STARD9: variants seen among roughly 807,000 people sequenced by gnomAD.
STARD9 encodes StAR related lipid transfer domain containing 9.
In STARD9, 346 loss-of-function variants were observed where a neutral mutation model predicts 399.8. The ratio of observed to expected loss-of-function variants is 0.87; its 90% CI spans 0.79 to 0.95. STARD9 has a LOEUF of 0.95. Among genes scored for constraint, STARD9 ranks in the 40% least tolerant of loss-of-function variants. STARD9 has a pLI of 0.00. For missense variants in STARD9, 5,832 were observed against 5,667.5 expected, an observed-to-expected ratio of 1.03 and a Z score of -0.93; for synonymous variants, 2,203 against 2,143.5, an observed-to-expected ratio of 1.03 and a Z score of -0.77.
At chr15:42,614,726 G>A (rs112165067) in intron 3 of STARD9, among the ~76,000 whole-genome samples, 9,244 of 152,136 alleles carry the variant, frequency 0.061, 685 homozygotes, top group Admixed American at 0.15. Flanking sequence ...CACCACTTTG[G>A]GAGGCCGAGG....
At chr15:42,694,781 G>T in intron 24 of STARD9, 56 bp downstream of exon 24, 1 of 1,456,532 alleles carries the variant, frequency 6.9e-7, no homozygotes, top group South Asian at 1.2e-5. Flanking sequence ...AGGGGAGTAT[G>T]GGGAGCAGGA....
rs1451607104 is a variant in STARD9, at chr15:42,690,974, A to G, written c.9396A>G (p.Pro3132=). 1.3e-6 allele frequency: 2 copies of G among 1,537,138 alleles called. No homozygotes were observed. Among genetic ancestry groups the G allele is most frequent in the Non-Finnish European group, 1.7e-6 (2 of 1,146,916 alleles). ...ATGCACAGGTGTGTCAAACCAATCC[A>G]GAACCACCTGCAACAACTCAGGGAC... ...DQNAQVCQTN[P]EPPATTQGPH... The change falls in exon 23 of 33, where the codon CCA becomes CCG. Residue 3132 remains proline (P), a synonymous_variant. Transcript: ENST00000290607.
intron 3 of STARD9, among the ~76,000 whole-genome samples, chr15:42,608,996 T>C (rs952353681): frequency 6.6e-6 from 1 of 152,192 alleles, no homozygotes; most frequent in African/African-American, 2.4e-5. Context: ...CAGCCTTAGA[T>C]GTGTGAGATC....
In STARD9 at chr15:42,663,402, G is replaced by A. The variant is rs2060027367; in HGVS notation, c.990G>A (p.Arg330=). The A allele has an allele frequency of 2.6e-6, 4 of 1,537,184 alleles. No individual in the cohort carries two copies. Among genetic ancestry groups the A allele is most frequent in the Non-Finnish European group, 3.5e-6 (4 of 1,146,916 alleles). The change falls in exon 12 of 33, where the codon AGG becomes AGA. Residue 330 remains arginine (R), a synonymous_variant. Transcript: ENST00000290607. ...GTSSGGAPSR[R]QSYIPYRDSV... ...GCAGTGGAGGGGCACCCTCCCGAAG[G>A]CAGTCTTATATCCCATACCGAGACT...
rs2060574097 is a variant in STARD9, at chr15:42,686,937, C to G, written c.5359C>G (p.Gln1787Glu). The change falls in exon 23 of 33, where the codon CAA becomes GAA. Residue 1787 changes from glutamine to glutamate, a missense_variant. This residue lies in a region of STARD9 where 5,828 missense variants were observed against 5,651.1 expected (regional missense o/e 1.03). Transcript: ENST00000290607. ...AGCCTGGGGCTTTGGTCACAACCAC[C>G]AAGCTCTCCAAGGTGCTTATTTGAA... ...REAWGFGHNH[Q>E]ALQGAYLKNN... 6.5e-7 allele frequency: 1 copy of G among 1,536,688 alleles called. No homozygotes were observed.
At position 42,688,794 on chromosome 15, in the gene STARD9, G is replaced by T; in HGVS notation, c.7216G>T (p.Ala2406Ser). The change falls in exon 23 of 33, where the codon GCC becomes TCC. Residue 2406 changes from alanine to serine, a missense_variant. Physicochemically the swap from Ala to Ser is moderately conservative, Grantham distance 99 (BLOSUM62 1). This residue lies in a region of STARD9 where 5,828 missense variants were observed against 5,651.1 expected (regional missense o/e 1.03). Transcript: ENST00000290607. ...VRGRSSEAHTAWCGSVRSMAM... is the reference protein window; with the variant it reads ...VRGRSSEAHTSWCGSVRSMAM... Reference sequence around the variant, plus strand: ...AGGGCGTTCCTCTGAGGCACACACTGCCTGGTGTGGGTCTGTGCGATCCAT... The same window carrying T: ...AGGGCGTTCCTCTGAGGCACACACTTCCTGGTGTGGGTCTGTGCGATCCAT... 6.5e-7 allele frequency: 1 copy of T among 1,537,476 alleles called. No individual in the cohort carries two copies. Among genetic ancestry groups the T allele is most frequent in the Non-Finnish European group, 8.7e-7 (1 of 1,146,968 alleles).
chr15:42,682,836 G>C (rs2060464168), intron 22 of STARD9, among the ~76,000 whole-genome samples: 1 of 152,054 alleles, frequency 6.6e-6, no homozygotes, highest in South Asian at 2.1e-4. Flanking sequence ...TAGGAGTAAG[G>C]ATCTCGGCCT....
intron 3 of STARD9, among the ~76,000 whole-genome samples, chr15:42,618,599 AT>A (rs1404449152): frequency 1.3e-5 from 2 of 151,108 alleles, no homozygotes; most frequent in Non-Finnish European, 2.9e-5. Flanking sequence ...TTTTATTTTT[AT>A]TTTTTATTTA....
In STARD9 at chr15:42,720,771, G is replaced by A. The variant is rs2061437803; in HGVS notation, c.*1197G>A. 1 of 152,106 alleles carries A rather than the reference G, an allele frequency of 6.6e-6. No individual in the cohort carries two copies. The highest frequency in any genetic ancestry group is 1.5e-5 in the Non-Finnish European group (1 of 68,024). The allele number at this position is 152,106 out of a possible 1,614,324, so 9.4% of individuals were successfully genotyped here. ...TGGCAGAGATGTGTTTTTCTAAAGT[G>A]TTTGCAGGGCATTTTTCCCTCTTAC... On this transcript the variant is annotated 3_prime_UTR_variant, in exon 33 of 33. Coordinates refer to ENST00000290607, the MANE Select transcript of STARD9 (RefSeq NM_020759.3).
At chr15:42,610,178 CT>C (rs1192556371) in intron 3 of STARD9, among the ~76,000 whole-genome samples, 1 of 152,178 alleles carries the variant, frequency 6.6e-6, no homozygotes, top group Non-Finnish European at 1.5e-5. Flanking sequence ...ATAACCATTG[CT>C]TTATGATAGT....
In STARD9 at chr15:42,693,077, G is replaced by T; in HGVS notation, c.11499G>T (p.Val3833=). Residue 3833 remains valine, a synonymous_variant, in exon 23 of 33, where the codon GTG becomes GTT. Coordinates refer to ENST00000290607, the MANE Select transcript of STARD9 (RefSeq NM_020759.3). ...KAPVGQHLPS[V]SPSVSDAFLP... ...CCGTTGGGCAGCATCTTCCTTCTGT[G>T]AGCCCCTCAGTTTCTGATGCTTTCC... 1 of 1,537,144 alleles carries T rather than the reference G, an allele frequency of 6.5e-7. No individual in the cohort carries two copies. The highest frequency in any genetic ancestry group is 8.7e-7 in the Non-Finnish European group (1 of 1,146,900).
In STARD9 at chr15:42,695,213, G is replaced by A. The variant is rs2060816135; in HGVS notation, c.13036G>A (p.Ala4346Thr). The A allele has an allele frequency of 6.5e-7, 1 of 1,537,048 alleles. No individual in the cohort carries two copies. Among genetic ancestry groups the A allele is most frequent in the African/African-American group, 1.4e-5 (1 of 73,026 alleles). Reference sequence around the variant, plus strand: ...GTTGATGCTGCAAGACTACCAGCAGGCCCATGAGGAGGCCAAGGTGGAGAT... The same window carrying A: ...GTTGATGCTGCAAGACTACCAGCAGACCCATGAGGAGGCCAAGGTGGAGAT... Reference protein sequence around the residue: ...IELMLQDYQQAHEEAKVEIAR... With the variant: ...IELMLQDYQQTHEEAKVEIAR... Residue 4346 changes from alanine (A) to threonine (T), a missense_variant, in exon 25 of 33, where the codon GCC (alanine) becomes ACC (threonine). This residue lies in a region of STARD9 where 5,828 missense variants were observed against 5,651.1 expected (regional missense o/e 1.03). Coordinates refer to ENST00000290607, the MANE Select transcript of STARD9 (RefSeq NM_020759.3).
chr15:42,638,103 G>C lies in STARD9; in HGVS notation c.446+16G>C. 1 of 1,534,576 alleles carries C rather than the reference G, an allele frequency of 6.5e-7. No individual in the cohort carries two copies. The highest frequency in any genetic ancestry group is 8.7e-7 in the Non-Finnish European group (1 of 1,145,402). On this transcript the variant is annotated intron_variant, in intron 6 of 32. Coordinates refer to ENST00000290607, the MANE Select transcript of STARD9 (RefSeq NM_020759.3). ...TAAAAGTAAGGTAAGAACCTCCCAAGCTCTGGGACCTACAGTAGTTCTTCT... is the reference window on the plus strand; with the variant it reads ...TAAAAGTAAGGTAAGAACCTCCCAACCTCTGGGACCTACAGTAGTTCTTCT...
At chr15:42,671,010 G>C (rs1031216487) in intron 16 of STARD9, 1 of 151,962 alleles carries the variant, frequency 6.6e-6, no homozygotes, top group Non-Finnish European at 1.5e-5. Context: ...AATAGATGAA[G>C]CTAGAAATCA....
At chr15:42,585,662 T>C (rs2058261428) in intron 3 of STARD9, 25 bp downstream of exon 3, 2 of 1,370,226 alleles carry the variant, frequency 1.5e-6, no homozygotes, top group Non-Finnish European at 2.0e-6. Context: ...CATTTTTCTT[T>C]CACCTCAGTT....
intron 18 of STARD9, 61 bp from the exon 19 acceptor site, chr15:42,675,603 C>A: frequency 7.8e-7 from 1 of 1,284,962 alleles, no homozygotes; most frequent in Non-Finnish European, 1.1e-6. Flanking sequence ...GTGCCGTACA[C>A]ATAGTATGTA....
chr15:42,707,170 A>G (rs1364942337), intron 26 of STARD9, among the ~76,000 whole-genome samples: 1 of 152,206 alleles, frequency 6.6e-6, no homozygotes, highest in Non-Finnish European at 1.5e-5. Flanking sequence ...CTTTATACTT[A>G]TTAAGTTGGC....
At chr15:42,642,582 C>T (rs2059562358) in intron 7 of STARD9, among the ~76,000 whole-genome samples, 1 of 152,156 alleles carries the variant, frequency 6.6e-6, no homozygotes, top group Non-Finnish European at 1.5e-5. Flanking sequence ...AGGAGTTTCC[C>T]CCCAACCCCA....
chr15:42,698,641 A>G (rs2060895612), intron 26 of STARD9, among the ~76,000 whole-genome samples: 2 of 152,182 alleles, frequency 1.3e-5, no homozygotes, highest in South Asian at 4.1e-4. Context: ...CCATGCAAGC[A>G]GATATATTTG....
Sources: allele counts gnomAD v4.1 joint callset (sites outside exome capture counted in the v4.1 genomes callset), GRCh38; gene constraint gnomAD v4.1.1; regional missense constraint gnomAD v4.1.1; transcripts MANE v1.5; gene names NCBI Gene and HGNC (gene_info 2026-07-23, HGNC 2026-07-21).